GAD2: variants seen among roughly 807,000 people sequenced by gnomAD.
The protein encoded by GAD2 is glutamate decarboxylase 2.
In GAD2, 22 loss-of-function variants were observed where a neutral mutation model predicts 80.1. The ratio of observed to expected loss-of-function variants is 0.27; its 90% CI spans 0.20 to 0.39. The LOEUF (loss-of-function observed/expected upper bound fraction) is 0.39. Among genes scored for constraint, GAD2 ranks in the 10% least tolerant of loss-of-function variants. The pLI, the probability that GAD2 is intolerant of heterozygous loss-of-function variation, is 1.00. For missense variants in GAD2, 624 were observed against 738.4 expected (o/e 0.85, Z 1.80); for synonymous variants, 274 against 256.9 (o/e 1.07, Z -0.64).
chr10:26,249,684 G>A (rs979680798), intron 8 of GAD2, among the ~76,000 whole-genome samples: 1 of 152,216 alleles, frequency 6.6e-6, no homozygotes, highest in African/African-American at 2.4e-5. Context: ...AAAATCAGGT[G>A]TGACCGCAGA....
intron 15 of GAD2, among the ~76,000 whole-genome samples, chr10:26,295,705 CAACTT>C (rs1834266933): frequency 6.6e-6 from 1 of 152,156 alleles, no homozygotes; most frequent in African/African-American, 2.4e-5. Context: ...TTCAGTCACT[CAACTT>C]GTGCCCAATG....
At chr10:26,230,434 T>TTTGTTTGTTTGTTTGAGACA (rs1452931643) in intron 7 of GAD2, among the ~76,000 whole-genome samples, 4 of 134,204 alleles carry the variant, frequency 3.0e-5, no homozygotes, top group African/African-American at 1.0e-4. Context: ...TTTTTGTTTG[T>TTTGTTTGTTTGTTTGAGACA]TTGTTTGTTT....
chr10:26,269,379 A>G (rs1016050749), intron 9 of GAD2, among the ~76,000 whole-genome samples: 4 of 152,260 alleles, frequency 2.6e-5, no homozygotes, highest in African/African-American at 9.6e-5. Context: ...CTGAATAAAT[A>G]TTATATACAG....
chr10:26,295,543 C>A (rs1444036609), intron 15 of GAD2, among the ~76,000 whole-genome samples: 1 of 151,802 alleles, frequency 6.6e-6, no homozygotes, highest in Non-Finnish European at 1.5e-5. Context: ...CACACACACA[C>A]ACACAGTCCC....
intron 7 of GAD2, among the ~76,000 whole-genome samples, chr10:26,230,335 A>G (rs900162912): frequency 8.5e-5 from 13 of 152,120 alleles, no homozygotes; most frequent in African/African-American, 3.1e-4. Flanking sequence ...TGTAAGCAAA[A>G]CTCCAGAGGA....
intron 15 of GAD2, among the ~76,000 whole-genome samples, chr10:26,295,503 C>CATAT (rs1217116918): frequency 7.1e-6 from 1 of 141,306 alleles, no homozygotes; most frequent in Non-Finnish European, 1.6e-5. Flanking sequence ...AATATTCATA[C>CATAT]GCATGCACAC....
At chr10:26,219,000 T>G in intron 3 of GAD2, 43 bp from the exon 4 acceptor site, 1 of 1,430,320 alleles carries the variant, frequency 7.0e-7, no homozygotes, top group South Asian at 1.4e-5. Context: ...TTGAATATTT[T>G]CAAAGTAAAA....
At position 26,218,551 on chromosome 10, in the gene GAD2, TCACACA is replaced by T. The variant is rs59054319; in HGVS notation, c.287-460_287-455del. On this transcript the variant is annotated intron_variant, in intron 3 of 15. Transcript: ENST00000376261. ...CATGCATACGCTCTCTCTCTCTCTC[TCACACA>T]CACACACACACACACACACACACAC... is the stretch of plus-strand genomic sequence containing the variant. 2.9e-4 allele frequency among the ~76,000 whole-genome samples: 34 copies of T among 118,854 alleles called. No homozygotes were observed. In the South Asian group the frequency reaches 3.2e-3, roughly 11 times the overall value. The allele number at this position is 118,854 out of a possible 152,430, so 78.0% of individuals were successfully genotyped here.
intron 8 of GAD2, among the ~76,000 whole-genome samples, chr10:26,252,132 A>T (rs1404916896): frequency 6.6e-6 from 1 of 152,176 alleles, no homozygotes; most frequent in African/African-American, 2.4e-5. Flanking sequence ...ACAAGCCTGG[A>T]CCTGCCCTCT....
chr10:26,292,843 T>C, intron 14 of GAD2, 59 bp from the exon 15 acceptor site: 1 of 1,359,318 alleles, frequency 7.4e-7, no homozygotes, highest in South Asian at 1.2e-5. Flanking sequence ...TGAAATGTTC[T>C]TGGAATTTTC....
At position 26,216,819 on chromosome 10, in the gene GAD2, C is replaced by G. The variant is rs1357128684; in HGVS notation, c.10C>G (p.Pro4Ala). The change falls in exon 1 of 16, where the codon CCG (proline) becomes GCG (alanine). Residue 4 changes from proline (P) to alanine (A), a missense_variant. Transcript: ENST00000376261. The surrounding 1 kb of genome is among the most constrained non-coding windows in gnomAD (Gnocchi z 4.7). MAS[P>A]GSGFWSFGSE... ...CCAGTCTCCAAAGCCGATGGCATCT[C>G]CGGGCTCTGGCTTTTGGTCTTTCGG... The G allele has an allele frequency of 6.2e-7, 1 of 1,612,658 alleles. No individual in the cohort carries two copies. The highest frequency in any genetic ancestry group is 1.7e-5 in the Admixed American group (1 of 59,904).
chr10:26,226,036 G>C (rs1158321396), intron 6 of GAD2, among the ~76,000 whole-genome samples: 1 of 152,106 alleles, frequency 6.6e-6, no homozygotes, highest in Non-Finnish European at 1.5e-5. Context: ...TTGGTTATAG[G>C]ATTGATCTGT....
chr10:26,218,495 A>G (rs1271417789), intron 3 of GAD2, among the ~76,000 whole-genome samples: 2 of 151,602 alleles, frequency 1.3e-5, no homozygotes, highest in African/African-American at 4.9e-5. Flanking sequence ...CGTCTCCCAA[A>G]TGTACGCGCG....
At chr10:26,225,597 A>C (rs1844511031) in intron 6 of GAD2, among the ~76,000 whole-genome samples, 1 of 152,134 alleles carries the variant, frequency 6.6e-6, no homozygotes, top group Admixed American at 6.6e-5. Flanking sequence ...CTCTTCAGCA[A>C]ATCTACAAAG....
At chr10:26,238,503 T>C (rs897309714) in intron 7 of GAD2, among the ~76,000 whole-genome samples, 4 of 152,270 alleles carry the variant, frequency 2.6e-5, no homozygotes, top group African/African-American at 7.2e-5. Flanking sequence ...TCTCTTTTCA[T>C]GTTAAACTTA....
intron 7 of GAD2, 23 bp downstream of exon 7, chr10:26,229,800 A>T (rs1427173674): frequency 1.3e-6 from 2 of 1,553,012 alleles, no homozygotes; most frequent in Middle Eastern, 1.7e-4. Context: ...TTTCCTTGCA[A>T]GTTTAAGGTT....
At chr10:26,253,263 A>C (rs1201187003) in intron 8 of GAD2, among the ~76,000 whole-genome samples, 1 of 152,222 alleles carries the variant, frequency 6.6e-6, no homozygotes, top group Admixed American at 6.5e-5. Flanking sequence ...AAAATGTGTT[A>C]GGTGAATACA....
intron 8 of GAD2, among the ~76,000 whole-genome samples, chr10:26,266,516 A>G (rs1454484079): frequency 6.6e-6 from 1 of 152,198 alleles, no homozygotes; most frequent in Admixed American, 6.5e-5. Flanking sequence ...CCTTCTAGCC[A>G]TATTCCTCCA....
intron 8 of GAD2, among the ~76,000 whole-genome samples, chr10:26,253,906 A>G (rs1023665406): frequency 1.3e-5 from 2 of 151,580 alleles, no homozygotes; most frequent in African/African-American, 2.4e-5. Flanking sequence ...GACTGGTCTC[A>G]TGGAAGACAG....
Sources: gnomAD v4.1 joint callset for allele counts (sites outside exome capture counted in the v4.1 genomes callset) on GRCh38, gnomAD v4.1.1 for gene constraint, Gnocchi (gnomAD v3.1) non-coding constraint, MANE v1.5 for transcripts, NCBI Gene and HGNC (gene_info 2026-07-23, HGNC 2026-07-21) for gene names.